The following EBF1 variants were observed in gnomAD, a reference collection of about 807,000 sequenced individuals.
The protein encoded by EBF1 is EBF transcription factor 1, also known as transcription factor COE1.
Under a neutral mutation model 68.4 loss-of-function variants are expected in EBF1, and 10 were observed. The observed-to-expected ratio is 0.15, with a 90% CI of 0.09 to 0.25. The LOEUF (loss-of-function observed/expected upper bound fraction) is 0.25. Ranked by LOEUF, EBF1 falls within the 10% of genes least tolerant of loss-of-function variation. The probability of loss-of-function intolerance (pLI) is 1.00; values close to 1 mark genes in which losing one functional copy is unlikely to be tolerated. For missense variants in EBF1, 509 were observed against 794.4 expected, an observed-to-expected ratio of 0.64 and a Z score of 4.32; for synonymous variants, 298 against 299.8, an observed-to-expected ratio of 0.99 and a Z score of 0.06.
At chr5:159,077,799 C>A (rs925464054) in intron 5 of EBF1, among the ~76,000 whole-genome samples, 3 of 112,280 alleles carry the variant, frequency 2.7e-5, no homozygotes, top group Non-Finnish European at 4.9e-5. Flanking sequence ...GTGGTGTGAT[C>A]TCAGCTCAGC....
At chr5:158,783,565 G>A (rs1302222453) in intron 9 of EBF1, among the ~76,000 whole-genome samples, 1 of 152,220 alleles carries the variant, frequency 6.6e-6, no homozygotes, top group Non-Finnish European at 1.5e-5. Flanking sequence ...GAGGCTGTCA[G>A]CATGCCAGGG....
At chr5:158,843,214 G>A (rs767937804) in intron 6 of EBF1, among the ~76,000 whole-genome samples, 1 of 152,154 alleles carries the variant, frequency 6.6e-6, no homozygotes, top group Non-Finnish European at 1.5e-5. Flanking sequence ...TTTGAGCCCA[G>A]ACAAGACAGC....
At chr5:159,095,197 T>TG (rs2128005023) in intron 4 of EBF1, among the ~76,000 whole-genome samples, 1 of 152,300 alleles carries the variant, frequency 6.6e-6, no homozygotes, top group African/African-American at 2.4e-5. Flanking sequence ...AAGCCGCCTC[T>TG]GCCACCCCTC....
At chr5:158,866,855 A>ATATG (rs1562162717) in intron 6 of EBF1, among the ~76,000 whole-genome samples, 195 of 12,254 alleles carry the variant, frequency 0.016, 3 homozygotes, top group Non-Finnish European at 0.031. Flanking sequence ...ATATATATAT[A>ATATG]TATATATATA....
chr5:158,857,793 C>A (rs1794316776), intron 6 of EBF1, among the ~76,000 whole-genome samples: 1 of 152,136 alleles, frequency 6.6e-6, no homozygotes, highest in Non-Finnish European at 1.5e-5. Flanking sequence ...GGGTCACTGC[C>A]TTAGCTGGGA....
At chr5:159,073,687 G>T in intron 5 of EBF1, 1 of 534,794 alleles carries the variant, frequency 1.9e-6, no homozygotes, top group Admixed American at 3.2e-5. Context: ...GGGGGAGAGG[G>T]GCTCTCCCAG....
intron 9 of EBF1, among the ~76,000 whole-genome samples, chr5:158,779,791 G>A (rs922398828): frequency 6.6e-6 from 1 of 152,108 alleles, no homozygotes; most frequent in African/African-American, 2.4e-5. Flanking sequence ...AAAATTCACG[G>A]GCTTTATAAA....
chr5:158,978,316 G>A (rs1359111954), intron 6 of EBF1, among the ~76,000 whole-genome samples: 3 of 152,242 alleles, frequency 2.0e-5, no homozygotes, highest in African/African-American at 4.8e-5. Context: ...GGGGCCAGGC[G>A]GATGTCTTTT....
chr5:158,804,983 T>G (rs75723503), intron 8 of EBF1, among the ~76,000 whole-genome samples: 3,612 of 152,228 alleles, frequency 0.024, 159 homozygotes, highest in African/African-American at 0.083. Context: ...TACATTCACG[T>G]GCCTCTGATT....
chr5:158,903,847 C>T (rs1803973512), intron 6 of EBF1, among the ~76,000 whole-genome samples: 1 of 152,152 alleles, frequency 6.6e-6, no homozygotes, highest in Non-Finnish European at 1.5e-5. Flanking sequence ...CAATTTTCCA[C>T]ACTCTTCTGC....
intron 6 of EBF1, among the ~76,000 whole-genome samples, chr5:158,972,517 T>A (rs1196194508): frequency 6.6e-6 from 1 of 152,216 alleles, no homozygotes; most frequent in African/African-American, 2.4e-5. Context: ...AATCACTAGT[T>A]GTAGTGGTCT....
chr5:158,844,487 T>C (rs974600271), intron 6 of EBF1, among the ~76,000 whole-genome samples: 22 of 152,316 alleles, frequency 1.4e-4, no homozygotes, highest in Admixed American at 8.5e-4. Flanking sequence ...GGTATGTGTT[T>C]TCCATGAACT....
At chr5:158,943,259 A>C (rs986828198) in intron 6 of EBF1, among the ~76,000 whole-genome samples, 1 of 152,046 alleles carries the variant, frequency 6.6e-6, no homozygotes, top group African/African-American at 2.4e-5. Flanking sequence ...GGGAATCTTT[A>C]GGGCTAACTT....
At chr5:158,789,859 T>C (rs1321060098) in intron 9 of EBF1, among the ~76,000 whole-genome samples, 1 of 152,216 alleles carries the variant, frequency 6.6e-6, no homozygotes, top group East Asian at 1.9e-4. Flanking sequence ...CTCTTGTTTA[T>C]TGACAATCAT....
intron 7 of EBF1, among the ~76,000 whole-genome samples, chr5:158,831,160 G>A (rs1014597450): frequency 3.3e-5 from 5 of 152,138 alleles, no homozygotes; most frequent in African/African-American, 9.7e-5. Context: ...CTGTGTGTGT[G>A]TCCTCATTGG....
At chr5:159,078,147 T>C (rs1779120731) in intron 5 of EBF1, among the ~76,000 whole-genome samples, 1 of 152,182 alleles carries the variant, frequency 6.6e-6, no homozygotes, top group Non-Finnish European at 1.5e-5. Flanking sequence ...TCAAGCCCCC[T>C]GTGGCTTCCT....
chr5:158,890,564 T>G (rs1316612872), intron 6 of EBF1, among the ~76,000 whole-genome samples: 1 of 152,236 alleles, frequency 6.6e-6, no homozygotes. Context: ...TTGTTACAAA[T>G]GGAGACAAGA....
chr5:158,778,816 C>G (rs938786235), intron 9 of EBF1, among the ~76,000 whole-genome samples: 2 of 152,146 alleles, frequency 1.3e-5, no homozygotes, highest in Non-Finnish European at 2.9e-5. Flanking sequence ...TACAAATACC[C>G]TGTATTATAT....
chr5:158,781,448 C>A (rs905071752), intron 9 of EBF1, among the ~76,000 whole-genome samples: 2 of 152,132 alleles, frequency 1.3e-5, no homozygotes, highest in Non-Finnish European at 1.5e-5. Flanking sequence ...CAAATCTACA[C>A]TTGTAGACTT....
Sources: gnomAD v4.1 joint callset for allele counts (sites outside exome capture counted in the v4.1 genomes callset) on GRCh38, gnomAD v4.1.1 for gene constraint, MANE v1.5 for transcripts, NCBI Gene and HGNC (gene_info 2026-07-23, HGNC 2026-07-21) for gene names.